DGKB: variants seen among roughly 807,000 people sequenced by gnomAD.
DGKB encodes 90 kDa diacylglycerol kinase.
A neutral mutation model predicts 114.3 loss-of-function variants in DGKB; 67 were observed. That is an observed-to-expected ratio of 0.59 (90% CI 0.48 to 0.72). The LOEUF (loss-of-function observed/expected upper bound fraction) is 0.72, where lower values mean the gene tolerates loss of function less well. Among genes scored for constraint, DGKB ranks in the 30% least tolerant of loss-of-function variants. The pLI is 0.00. For synonymous variants in DGKB, 398 were observed against 323.1 expected, an observed-to-expected ratio of 1.23 and a Z score of -2.49; for missense variants, 907 against 975.2, an observed-to-expected ratio of 0.93 and a Z score of 0.93.
chr7:14,557,479 T>A (rs1796040970), intron 20 of DGKB, among the ~76,000 whole-genome samples: 1 of 152,152 alleles, frequency 6.6e-6, no homozygotes, highest in Non-Finnish European at 1.5e-5. Flanking sequence ...CGCTCTTTTT[T>A]TCCAAGTTGT....
intron 21 of DGKB, among the ~76,000 whole-genome samples, chr7:14,369,109 C>G (rs935934855): frequency 1.3e-5 from 2 of 151,528 alleles, no homozygotes; most frequent in Non-Finnish European, 2.9e-5. Context: ...TGTGATGTTT[C>G]CCTCCCTGTG....
At chr7:14,892,508 T>C (rs748396700) in intron 1 of DGKB, among the ~76,000 whole-genome samples, 63 of 151,242 alleles carry the variant, frequency 4.2e-4, no homozygotes, top group Non-Finnish European at 5.6e-4. Context: ...TATATTTACA[T>C]ATAAATAAAT....
intron 1 of DGKB, among the ~76,000 whole-genome samples, chr7:14,865,932 A>T (rs770162038): frequency 6.6e-6 from 1 of 152,182 alleles, no homozygotes; most frequent in Non-Finnish European, 1.5e-5. Flanking sequence ...TATAACTTTC[A>T]TGAGTTAAGG....
intron 21 of DGKB, among the ~76,000 whole-genome samples, chr7:14,403,705 C>T (rs1271007546): frequency 1.3e-5 from 2 of 151,940 alleles, no homozygotes; most frequent in African/African-American, 2.4e-5. Context: ...ACCTCGGAAA[C>T]TATTTACATG....
chr7:14,833,707 C>G (rs1186906948), intron 2 of DGKB, among the ~76,000 whole-genome samples: 1 of 152,118 alleles, frequency 6.6e-6, no homozygotes, highest in Non-Finnish European at 1.5e-5. Context: ...CATGCATGCT[C>G]ATACACAAAT....
At chr7:14,764,796 A>T (rs756643941) in intron 2 of DGKB, among the ~76,000 whole-genome samples, 1 of 151,896 alleles carries the variant, frequency 6.6e-6, no homozygotes, top group Non-Finnish European at 1.5e-5. Flanking sequence ...TTATTTAAAG[A>T]TTTATTTACT....
intron 17 of DGKB, among the ~76,000 whole-genome samples, chr7:14,599,218 T>C (rs1803113606): frequency 6.6e-6 from 1 of 152,110 alleles, no homozygotes; most frequent in African/African-American, 2.4e-5. Flanking sequence ...ATACTTAAAA[T>C]ACAATACAGT....
intron 2 of DGKB, among the ~76,000 whole-genome samples, chr7:14,803,069 T>C (rs1283695362): frequency 1.3e-5 from 2 of 152,088 alleles, no homozygotes; most frequent in Non-Finnish European, 2.9e-5. Flanking sequence ...ATGTAGGCCT[T>C]TTGGTGTCAT....
At chr7:14,265,203 C>T (rs1006889226) in intron 23 of DGKB, among the ~76,000 whole-genome samples, 1 of 147,600 alleles carries the variant, frequency 6.8e-6, no homozygotes, top group African/African-American at 2.5e-5. Flanking sequence ...AAACACTAAA[C>T]AATATTTTTC....
At chr7:14,511,402 G>C (rs915320670) in intron 20 of DGKB, among the ~76,000 whole-genome samples, 3 of 152,172 alleles carry the variant, frequency 2.0e-5, no homozygotes, top group African/African-American at 7.2e-5. Flanking sequence ...ACCAACCTAT[G>C]CTAGCTTCCA....
At chr7:14,662,462 G>A (rs547290137) in intron 13 of DGKB, among the ~76,000 whole-genome samples, 2 of 152,038 alleles carry the variant, frequency 1.3e-5, no homozygotes, top group Admixed American at 6.6e-5. Flanking sequence ...AAATAACACA[G>A]TATGGGGAAA....
rs957606779 is a variant in DGKB at position 14,434,782 on chromosome 7, C to T, written c.1835+43379G>A. On this transcript the variant is annotated intron_variant, in intron 21 of 25. Coordinates refer to ENST00000402815, the MANE Select transcript of DGKB (RefSeq NM_001350709.2). The stretch of plus-strand genomic sequence containing the variant: ...TTATCAACCAGTAGGCCGTGTCTAG[C>T]GACCAAAGAGCCTCAACCACGTGGA... Among the ~76,000 whole-genome samples, 8 of 152,152 alleles carry T rather than the reference C, an allele frequency of 5.3e-5. No homozygotes were observed. The East Asian group carries it at 5.8e-4, about 11-fold the overall frequency.
At chr7:14,214,047 T>C (rs908931382) in intron 23 of DGKB, among the ~76,000 whole-genome samples, 2 of 152,126 alleles carry the variant, frequency 1.3e-5, no homozygotes, top group African/African-American at 4.8e-5. Context: ...ACTTTCACTT[T>C]TGTTCATCTC....
At chr7:14,942,004 A>G in intron 1 of DGKB, among the ~76,000 whole-genome samples, 1 of 152,062 alleles carries the variant, frequency 6.6e-6, no homozygotes, top group East Asian at 1.9e-4. Flanking sequence ...ACCGAATGAA[A>G]GTCTTGTCAA....
chr7:14,961,444 T>G (rs1181216172), intron 1 of DGKB, among the ~76,000 whole-genome samples: 1 of 152,088 alleles, frequency 6.6e-6, no homozygotes, highest in Admixed American at 6.6e-5. Flanking sequence ...TTGATTAAAG[T>G]GCACTCCATT....
At chr7:14,785,865 T>C (rs1033505420) in intron 2 of DGKB, among the ~76,000 whole-genome samples, 1 of 151,746 alleles carries the variant, frequency 6.6e-6, no homozygotes, top group Non-Finnish European at 1.5e-5. Context: ...GAAAGTACAA[T>C]TTTCAGACAT....
intron 13 of DGKB, among the ~76,000 whole-genome samples, chr7:14,655,815 G>A (rs1303188253): frequency 6.6e-6 from 1 of 151,428 alleles, no homozygotes; most frequent in Admixed American, 6.6e-5. Context: ...CTTATATATG[G>A]GATCTAAAAA....
intron 10 of DGKB, among the ~76,000 whole-genome samples, chr7:14,684,694 A>G (rs573760535): frequency 6.6e-6 from 1 of 152,202 alleles, no homozygotes; most frequent in Non-Finnish European, 1.5e-5. Context: ...TCTGCATTCC[A>G]ATGTCTATTA....
intron 23 of DGKB, among the ~76,000 whole-genome samples, chr7:14,318,622 A>G (rs1232000173): frequency 6.6e-6 from 1 of 152,074 alleles, no homozygotes; most frequent in Non-Finnish European, 1.5e-5. Flanking sequence ...GCAATCATTA[A>G]AAAGTCAGGA....
Sources: allele counts gnomAD v4.1 joint callset (sites outside exome capture counted in the v4.1 genomes callset), GRCh38; gene constraint gnomAD v4.1.1; transcripts MANE v1.5; gene names NCBI Gene and HGNC (gene_info 2026-07-23, HGNC 2026-07-21).